PRKAG2: variants seen among roughly 807,000 people sequenced by gnomAD.
The protein encoded by PRKAG2 is protein kinase AMP-activated non-catalytic subunit gamma 2.
In PRKAG2, 26 loss-of-function variants were observed where a neutral mutation model predicts 69.6. The ratio of observed to expected loss-of-function variants is 0.37; its 90% CI spans 0.27 to 0.52. The LOEUF (loss-of-function observed/expected upper bound fraction) is 0.52, where lower values mean the gene tolerates loss of function less well. PRKAG2 is among the 20% of genes least tolerant of loss of function. The pLI, the probability that PRKAG2 is intolerant of heterozygous loss-of-function variation, is 0.90. For synonymous variants in PRKAG2, 293 were observed against 285.0 expected (o/e 1.03, Z -0.28); for missense variants, 557 against 740.0 (o/e 0.75, Z 2.87).
chr7:151,876,136 G>C (rs1228048105), intron 1 of PRKAG2, among the ~76,000 whole-genome samples: 1 of 142,014 alleles, frequency 7.0e-6, no homozygotes, highest in Non-Finnish European at 1.5e-5. Context: ...CACCTCCCCG[G>C]AGCGCAGTCC....
At chr7:151,715,718 A>G (rs867580591) in intron 3 of PRKAG2, among the ~76,000 whole-genome samples, 1 of 152,124 alleles carries the variant, frequency 6.6e-6, no homozygotes, top group South Asian at 2.1e-4. Context: ...ATGGAGTGGA[A>G]GAAGAGAAAG....
chr7:151,860,841 T>G (rs1241777627), intron 1 of PRKAG2, among the ~76,000 whole-genome samples: 1 of 152,154 alleles, frequency 6.6e-6, no homozygotes, highest in Non-Finnish European at 1.5e-5. Context: ...CTGTCTTCCA[T>G]GCCATGACCC....
intron 3 of PRKAG2, among the ~76,000 whole-genome samples, chr7:151,713,755 T>A (rs1795695030): frequency 1.3e-5 from 2 of 152,004 alleles, no homozygotes; most frequent in South Asian, 2.1e-4. Flanking sequence ...AATTTTTAAA[T>A]GTTTCATAGA....
chr7:151,794,852 C>G (rs1383430319), intron 1 of PRKAG2, among the ~76,000 whole-genome samples: 1 of 152,242 alleles, frequency 6.6e-6, no homozygotes. Flanking sequence ...CGAGCCTTTC[C>G]TTGCCCACTC....
chr7:151,694,520 G>A (rs539298768), intron 3 of PRKAG2, among the ~76,000 whole-genome samples: 1 of 152,204 alleles, frequency 6.6e-6, no homozygotes, highest in Non-Finnish European at 1.5e-5. Context: ...CCACTCTAGG[G>A]ACCTCATATG....
rs1306295483 is a variant in PRKAG2 at position 151,855,538 on chromosome 7, ACAC to A, written c.114+20966_114+20968del. Among the ~76,000 whole-genome samples, 600 of 122,574 alleles carry A rather than the reference ACAC, an allele frequency of 4.9e-3. 4 individuals are homozygous for A. Among genetic ancestry groups the A allele is most frequent in the African/African-American group, 0.015 (528 of 34,574 alleles). 80.4% of individuals were successfully genotyped at this position (122,574 alleles called of 152,430 possible). On this transcript the variant is annotated intron_variant, in intron 1 of 15. Coordinates refer to ENST00000287878, the MANE Select transcript of PRKAG2 (RefSeq NM_016203.4). ...GCCCTCCACACACCGCCCTCCACAC[ACAC>A]CACTTTACACACACGCCACCCTCCA...
intron 1 of PRKAG2, among the ~76,000 whole-genome samples, chr7:151,815,364 T>A (rs1384238240): frequency 6.6e-6 from 1 of 152,098 alleles, no homozygotes; most frequent in Non-Finnish European, 1.5e-5. Flanking sequence ...AAGCAACTCA[T>A]CTGTGAGCTT....
At chr7:151,852,417 C>A (rs560702983) in intron 1 of PRKAG2, among the ~76,000 whole-genome samples, 60 of 152,242 alleles carry the variant, frequency 3.9e-4, no homozygotes, top group Admixed American at 3.6e-3. Context: ...ATTGCTTGAA[C>A]CCAGGGGGTG....
chr7:151,559,344 T>C (rs1804424394), intron 15 of PRKAG2: 1 of 985,280 alleles, frequency 1.0e-6, no homozygotes, highest in Non-Finnish European at 1.2e-6. Context: ...ATTCGTTTAG[T>C]TCTTAATGTT....
At chr7:151,559,283 C>A in intron 15 of PRKAG2, 1 of 980,696 alleles carries the variant, frequency 1.0e-6, no homozygotes, top group Non-Finnish European at 1.2e-6. Context: ...ACAATTTATC[C>A]ATTCTTCTTT....
chr7:151,847,040 G>T (rs896939562), intron 1 of PRKAG2, among the ~76,000 whole-genome samples: 1 of 152,238 alleles, frequency 6.6e-6, no homozygotes, highest in Non-Finnish European at 1.5e-5. Context: ...GTGAGGGACT[G>T]CTAGGTAAAT....
intron 5 of PRKAG2, among the ~76,000 whole-genome samples, chr7:151,626,747 G>GTTCCAGCAGC (rs1330915391): frequency 1.4e-5 from 2 of 145,716 alleles, no homozygotes. Flanking sequence ...CCTTAAGCAA[G>GTTCCAGCAGC]TTCCAGCAGC....
intron 3 of PRKAG2, among the ~76,000 whole-genome samples, chr7:151,753,074 G>A (rs2074825275): frequency 6.6e-6 from 1 of 152,244 alleles, no homozygotes; most frequent in African/African-American, 2.4e-5. Context: ...AGGAAATGTC[G>A]AAGGGCAGGT....
chr7:151,845,023 C>G (rs370758447), intron 1 of PRKAG2, among the ~76,000 whole-genome samples: 1 of 150,178 alleles, frequency 6.7e-6, no homozygotes, highest in Non-Finnish European at 1.5e-5. Flanking sequence ...CCAGGGATGG[C>G]GGCAGGCAGC....
chr7:151,626,259 A>C (rs185051399), intron 5 of PRKAG2, among the ~76,000 whole-genome samples: 1 of 152,074 alleles, frequency 6.6e-6, no homozygotes, highest in East Asian at 1.9e-4. Flanking sequence ...CGGTGACAAA[A>C]CCTCTATCTA....
intron 1 of PRKAG2, among the ~76,000 whole-genome samples, chr7:151,821,588 T>C (rs1447291186): frequency 6.6e-6 from 1 of 150,432 alleles, no homozygotes; most frequent in Non-Finnish European, 1.5e-5. Flanking sequence ...GAAATCAACA[T>C]AAACCACACT....
At chr7:151,769,384 G>A (rs1280138950) in intron 3 of PRKAG2, among the ~76,000 whole-genome samples, 2 of 152,188 alleles carry the variant, frequency 1.3e-5, no homozygotes, top group African/African-American at 4.8e-5. Flanking sequence ...AGTGGAGTAG[G>A]GTGGGCTCTT....
chr7:151,873,610 C>T (rs1309427012), intron 1 of PRKAG2, among the ~76,000 whole-genome samples: 1 of 152,212 alleles, frequency 6.6e-6, no homozygotes, highest in Non-Finnish European at 1.5e-5. Context: ...CCCTCAGCCA[C>T]TGTGGAATAA....
At chr7:151,710,360 C>G (rs1299259675) in intron 3 of PRKAG2, among the ~76,000 whole-genome samples, 1 of 152,202 alleles carries the variant, frequency 6.6e-6, no homozygotes, top group Non-Finnish European at 1.5e-5. Flanking sequence ...AGGCAGCACA[C>G]CAAGTGGTCA....
Sources: gnomAD v4.1 joint callset for allele counts (sites outside exome capture counted in the v4.1 genomes callset) on GRCh38, gnomAD v4.1.1 for gene constraint, MANE v1.5 for transcripts, NCBI Gene and HGNC (gene_info 2026-07-23, HGNC 2026-07-21) for gene names.